PATL2: variants seen among roughly 807,000 people sequenced by gnomAD.
PATL2 encodes the protein protein PAT1 homolog 2.
PATL2 carries 73 observed loss-of-function variants against 77.0 expected under a neutral mutation model. That is an observed-to-expected ratio of 0.95 (90% CI 0.78 to 1.15). The LOEUF (loss-of-function observed/expected upper bound fraction) is 1.15, where lower values mean the gene tolerates loss of function less well. Ranked by LOEUF, PATL2 falls within the 50% of genes most tolerant of loss-of-function variation. PATL2 has a pLI of 0.00. For synonymous variants in PATL2, 265 were observed against 257.1 expected (o/e 1.03, Z -0.29); for missense variants, 618 against 655.4 (o/e 0.94, Z 0.62).
In PATL2 at chr15:44,675,622, TC is replaced by T. The variant is rs2085917079; in HGVS notation, c.85del (p.Glu29LysfsTer26). 6.4e-7 allele frequency: 1 copy of T among 1,551,942 alleles called. No homozygotes were observed. Among genetic ancestry groups the T allele is most frequent in the Non-Finnish European group, 8.7e-7 (1 of 1,147,060 alleles). ...CTCCTCCTCCCCTTCATTCTCTTCT[TC>T]TTTTTCCAACTGGCAGGCAGACACC... is the stretch of plus-strand genomic sequence containing the variant. ...ELVSACQLEK[E>X]EENEGEEEEE... On this transcript the variant is annotated frameshift_variant, in exon 5 of 18. Coordinates refer to ENST00000682850, the MANE Select transcript of PATL2 (RefSeq NM_001387263.1). LOFTEE classifies it high-confidence loss of function.
At chr15:44,686,886 C>G (rs142047053) in intron 3 of PATL2, among the ~76,000 whole-genome samples, 1,806 of 152,198 alleles carry the variant, frequency 0.012, 33 homozygotes, top group African/African-American at 0.041. Flanking sequence ...AGACCAATAA[C>G]AAGTTCTGAA....
In PATL2 at chr15:44,670,079, G is replaced by T; in HGVS notation, c.666C>A (p.Tyr222Ter). The change falls in exon 10 of 18, where the codon TAC becomes TAA. Residue 222 changes from tyrosine to a stop codon, truncating the protein, a stop_gained. Transcript: ENST00000682850. LOFTEE classifies it high-confidence loss of function. ...RLDDYYYQEY[Y>*]QKLEKKQADE... ...CTGCCTGCTTCTTCTCTAGCTTCTG[G>T]TAATATTCCTGAGAATGCACGGAAT... is the stretch of plus-strand genomic sequence containing the variant. 1 of 1,551,478 alleles carries T rather than the reference G, an allele frequency of 6.4e-7. No homozygotes were observed. The highest frequency in any genetic ancestry group is 8.7e-7 in the Non-Finnish European group (1 of 1,146,950).
chr15:44,667,258 G>A (rs375242446), intron 15 of PATL2, 55 bp from the exon 16 acceptor site: 1 of 1,283,008 alleles, frequency 7.8e-7, no homozygotes, highest in Non-Finnish European at 1.1e-6. Context: ...TCGGCATTTG[G>A]TGCTTTCCTG....
intron 3 of PATL2, among the ~76,000 whole-genome samples, chr15:44,691,154 T>C (rs2086382204): frequency 6.6e-6 from 1 of 152,108 alleles, no homozygotes; most frequent in South Asian, 2.1e-4. Flanking sequence ...AACTCAAAAA[T>C]GTTATTGTTT....
intron 3 of PATL2, among the ~76,000 whole-genome samples, chr15:44,697,844 A>G (rs2086541789): frequency 6.6e-6 from 1 of 152,150 alleles, no homozygotes; most frequent in South Asian, 2.1e-4. Context: ...TAAAGGAAAT[A>G]ACACCTACCT....
At chr15:44,672,497 C>T in intron 7 of PATL2, 41 bp from the exon 8 acceptor site, 4 of 1,516,108 alleles carry the variant, frequency 2.6e-6, no homozygotes, top group Non-Finnish European at 3.6e-6. Context: ...GAAGGAAGCT[C>T]TCAGTTCTCT....
intron 12 of PATL2, 44 bp downstream of exon 12, chr15:44,669,466 C>G: frequency 6.5e-7 from 1 of 1,548,908 alleles, no homozygotes; most frequent in Non-Finnish European, 8.7e-7. Flanking sequence ...ATCTCATTCT[C>G]AAAGGTAGGT....
At chr15:44,703,011 C>T (rs1367142493) in intron 3 of PATL2, among the ~76,000 whole-genome samples, 1 of 152,044 alleles carries the variant, frequency 6.6e-6, no homozygotes, top group Non-Finnish European at 1.5e-5. Context: ...CACGGTGGCT[C>T]ATGCCTGTAA....
intron 5 of PATL2, 32 bp from the exon 6 acceptor site, chr15:44,674,262 A>G (rs1288378494): frequency 7.5e-6 from 11 of 1,467,634 alleles, no homozygotes; most frequent in African/African-American, 4.2e-5. Context: ...ACCAGGCTCA[A>G]ATGGGCCCCT....
chr15:44,701,296 G>A (rs555850991), intron 3 of PATL2, among the ~76,000 whole-genome samples: 2 of 151,784 alleles, frequency 1.3e-5, no homozygotes, highest in South Asian at 2.1e-4. Flanking sequence ...TTGGCATCAA[G>A]GTAATACTGG....
intron 4 of PATL2, 113 bp downstream of exon 4, chr15:44,676,362 G>A: frequency 1.0e-6 from 1 of 975,384 alleles, no homozygotes; most frequent in Non-Finnish European, 1.6e-6. Context: ...GCAAGTGGAA[G>A]AATTTGGAAT....
At chr15:44,681,959 G>A (rs1417552274) in intron 3 of PATL2, among the ~76,000 whole-genome samples, 1 of 152,074 alleles carries the variant, frequency 6.6e-6, no homozygotes, top group Non-Finnish European at 1.5e-5. Context: ...AGAAATTAGG[G>A]TTCCACTTTA....
chr15:44,683,447 A>G (rs572069173), intron 3 of PATL2, among the ~76,000 whole-genome samples: 2 of 152,174 alleles, frequency 1.3e-5, no homozygotes, highest in African/African-American at 4.8e-5. Context: ...GGTGGTTTTC[A>G]CCTCACAGTG....
At chr15:44,669,450 G>C in intron 12 of PATL2, 37 bp from the exon 13 acceptor site, 1 of 1,548,678 alleles carries the variant, frequency 6.5e-7, no homozygotes, top group Non-Finnish European at 8.7e-7. Flanking sequence ...GGTAAATTTG[G>C]GTAATATCTC....
At chr15:44,698,799 G>GT (rs1330746377) in intron 3 of PATL2, among the ~76,000 whole-genome samples, 9 of 152,132 alleles carry the variant, frequency 5.9e-5, no homozygotes, top group Admixed American at 1.3e-4. Context: ...TGTATTTTTA[G>GT]TTTTTTGAGG....
intron 6 of PATL2, 125 bp from the exon 7 acceptor site, chr15:44,673,502 C>T: frequency 7.9e-7 from 1 of 1,273,874 alleles, no homozygotes; most frequent in Non-Finnish European, 1.1e-6. Context: ...ATTGTGCCAT[C>T]TTGTGAGTCC....
At chr15:44,707,946 CT>C (rs1278890062) in intron 3 of PATL2, among the ~76,000 whole-genome samples, 1 of 152,244 alleles carries the variant, frequency 6.6e-6, no homozygotes, top group Non-Finnish European at 1.5e-5. Flanking sequence ...TAGGGCTGGT[CT>C]AAATGATCCC....
In PATL2 at chr15:44,673,525, T is replaced by A. The variant is rs568885054; in HGVS notation, c.304-148A>T. ...ATCTTGTGAGTCCCTCAAGGCAGCT[T>A]TGGGGGCACCAGACTATGGTTCCTG... On this transcript the variant is annotated intron_variant, in intron 6 of 17. Coordinates refer to ENST00000682850, the MANE Select transcript of PATL2 (RefSeq NM_001387263.1). 9.7e-6 allele frequency: 10 copies of A among 1,029,384 alleles called. No individual in the cohort carries two copies. In the South Asian group the frequency reaches 9.8e-5, roughly 10 times the overall value. 63.8% of individuals were successfully genotyped at this position (1,029,384 alleles called of 1,614,324 possible).
At chr15:44,686,113 CA>C (rs2086250715) in intron 3 of PATL2, among the ~76,000 whole-genome samples, 1 of 152,206 alleles carries the variant, frequency 6.6e-6, no homozygotes, top group Admixed American at 6.5e-5. Flanking sequence ...ACATTCTTCT[CA>C]GCACCACATC....
Sources: allele counts gnomAD v4.1 joint callset (sites outside exome capture counted in the v4.1 genomes callset), GRCh38; gene constraint gnomAD v4.1.1; transcripts MANE v1.5; gene names NCBI Gene and HGNC (gene_info 2026-07-23, HGNC 2026-07-21).